MRC1: variants seen among roughly 807,000 people sequenced by gnomAD.
The protein encoded by MRC1 is mannose receptor C-type 1.
Under a neutral mutation model 102.9 loss-of-function variants are expected in MRC1, and 62 were observed. That is an observed-to-expected ratio of 0.60 (90% CI 0.49 to 0.74). The LOEUF (loss-of-function observed/expected upper bound fraction) is 0.74, where lower values mean the gene tolerates loss of function less well. Among genes scored for constraint, MRC1 ranks in the 30% least tolerant of loss-of-function variants. The pLI is 0.00. For synonymous variants in MRC1, 457 were observed against 298.4 expected (o/e 1.53, Z -5.48); for missense variants, 1,237 against 862.8 (o/e 1.43, Z -5.43).
intron 1 of MRC1, among the ~76,000 whole-genome samples, chr10:17,816,219 G>A (rs1838309913): frequency 6.6e-6 from 1 of 152,190 alleles, no homozygotes; most frequent in South Asian, 2.1e-4. Flanking sequence ...GAAAACATAG[G>A]TACATTTATT....
At chr10:17,820,149 TC>T (rs1838373886) in intron 1 of MRC1, among the ~76,000 whole-genome samples, 1 of 151,986 alleles carries the variant, frequency 6.6e-6, no homozygotes, top group Admixed American at 6.6e-5. Flanking sequence ...TTAAAAGAAT[TC>T]CTTTGTAACA....
At chr10:17,871,095 G>A (rs922014845) in intron 14 of MRC1, among the ~76,000 whole-genome samples, 160 bp downstream of exon 14, 9 of 151,866 alleles carry the variant, frequency 5.9e-5, no homozygotes, top group Admixed American at 1.3e-4. Context: ...TAAAACTTGC[G>A]TGTTTTATAC....
intron 19 of MRC1, 66 bp downstream of exon 19, chr10:17,879,887 TA>T (rs1833489936): frequency 2.6e-6 from 2 of 780,340 alleles, no homozygotes; most frequent in Admixed American, 3.4e-5. Flanking sequence ...ATCCCTAGAC[TA>T]AAAGTAGCAA....
intron 9 of MRC1, among the ~76,000 whole-genome samples, chr10:17,858,551 G>A (rs934791773): frequency 9.9e-5 from 15 of 152,180 alleles, no homozygotes; most frequent in Non-Finnish European, 2.2e-4. Flanking sequence ...GCAGTGGCAT[G>A]ATATTAGCTC....
rs573311552 is a variant in MRC1, at chr10:17,815,954, A to C, written c.61+6428A>C. On this transcript the variant is annotated intron_variant, in intron 1 of 29. Transcript: ENST00000569591. ...AGATTCTCCTGCCTCAGCCCCCCAT[A>C]GCTGGGATTACGGGCATGTGCGACC... is the stretch of plus-strand genomic sequence containing the variant. 3.0e-3 allele frequency among the ~76,000 whole-genome samples: 455 copies of C among 152,132 alleles called. 2 individuals are homozygous for C. Among genetic ancestry groups the C allele is most frequent in the Non-Finnish European group, 3.8e-3 (261 of 68,000 alleles).
chr10:17,899,186 A>G (rs1833796543), intron 24 of MRC1, among the ~76,000 whole-genome samples: 1 of 152,204 alleles, frequency 6.6e-6, no homozygotes, highest in Non-Finnish European at 1.5e-5. Context: ...ATGCAGAGAT[A>G]GAAATTTACA....
intron 5 of MRC1, among the ~76,000 whole-genome samples, chr10:17,842,121 C>A (rs941889013): frequency 6.6e-6 from 1 of 152,134 alleles, no homozygotes; most frequent in Non-Finnish European, 1.5e-5. Context: ...CACCACCATG[C>A]CTGGCTAATT....
intron 1 of MRC1, among the ~76,000 whole-genome samples, chr10:17,812,984 C>T (rs1838248838): frequency 6.6e-6 from 1 of 152,142 alleles, no homozygotes; most frequent in African/African-American, 2.4e-5. Flanking sequence ...AAGCCTAGAA[C>T]ATCTGCAAAA....
intron 1 of MRC1, among the ~76,000 whole-genome samples, chr10:17,821,231 G>A (rs975526839): frequency 3.4e-4 from 52 of 152,144 alleles, no homozygotes; most frequent in Middle Eastern, 3.4e-3. Flanking sequence ...GGCAGCGAGA[G>A]TAAGTCTTAC....
At chr10:17,818,927 G>T (rs998776944) in intron 1 of MRC1, among the ~76,000 whole-genome samples, 1 of 152,162 alleles carries the variant, frequency 6.6e-6, no homozygotes, top group Non-Finnish European at 1.5e-5. Context: ...GCTGAAAGGT[G>T]GTGTGGTTGG....
intron 28 of MRC1, among the ~76,000 whole-genome samples, chr10:17,908,497 T>C (rs1589198395): frequency 6.6e-6 from 1 of 151,426 alleles, no homozygotes; most frequent in South Asian, 2.1e-4. Context: ...ATTTGGCGGG[T>C]CTTTAGGCTT....
At chr10:17,819,860 G>A (rs1175949042) in intron 1 of MRC1, among the ~76,000 whole-genome samples, 15 of 152,134 alleles carry the variant, frequency 9.9e-5, no homozygotes, top group African/African-American at 2.4e-4. Flanking sequence ...TGGCAGGATC[G>A]CTTGAGCCTA....
intron 9 of MRC1, among the ~76,000 whole-genome samples, chr10:17,859,786 T>C (rs904252153): frequency 0.22 from 34,020 of 152,146 alleles, 3,847 homozygotes; most frequent in South Asian, 0.25. Flanking sequence ...AGTATGACTT[T>C]AATTTTTTGG....
At chr10:17,900,565 A>T (rs1833815802) in intron 24 of MRC1, among the ~76,000 whole-genome samples, 1 of 152,152 alleles carries the variant, frequency 6.6e-6, no homozygotes, top group South Asian at 2.1e-4. Context: ...ACTTCCAAGG[A>T]TGTATTCCTG....
At chr10:17,868,651 A>C (rs1833312949) in intron 12 of MRC1, among the ~76,000 whole-genome samples, 1 of 152,194 alleles carries the variant, frequency 6.6e-6, no homozygotes, top group Non-Finnish European at 1.5e-5. Context: ...TTTGAATGGC[A>C]TATGGCCATG....
At chr10:17,812,567 CTTTTTT>C (rs879229292) in intron 1 of MRC1, among the ~76,000 whole-genome samples, 1 of 79,908 alleles carries the variant, frequency 1.3e-5, no homozygotes, top group Non-Finnish European at 2.2e-5. Flanking sequence ...CAACAGTAGG[CTTTTTT>C]TTTTTTTTTT....
intron 22 of MRC1, among the ~76,000 whole-genome samples, chr10:17,890,893 G>A (rs1167607052): frequency 3.3e-5 from 5 of 151,982 alleles, no homozygotes; most frequent in African/African-American, 9.7e-5. Flanking sequence ...CTCGTCACTC[G>A]CATCACTGCC....
chr10:17,886,584 T>C (rs1833598706), intron 22 of MRC1, among the ~76,000 whole-genome samples: 2 of 152,150 alleles, frequency 1.3e-5, no homozygotes, highest in Admixed American at 6.5e-5. Context: ...GCATTTTTAG[T>C]AGAGATGGGC....
intron 19 of MRC1, among the ~76,000 whole-genome samples, chr10:17,880,129 T>G (rs1833493941): frequency 6.6e-6 from 1 of 152,230 alleles, no homozygotes; most frequent in Non-Finnish European, 1.5e-5. Context: ...CTCTGGCTCC[T>G]TATTATTCTG....
Sources: gnomAD v4.1 joint callset for allele counts (sites outside exome capture counted in the v4.1 genomes callset) on GRCh38, gnomAD v4.1.1 for gene constraint, MANE v1.5 for transcripts, NCBI Gene and HGNC (gene_info 2026-07-23, HGNC 2026-07-21) for gene names.